Variants in ARHGAP21 observed in about 807,000 individuals in gnomAD.
The protein encoded by ARHGAP21 is rho GTPase-activating protein 21.
Under a neutral mutation model 164.6 loss-of-function variants are expected in ARHGAP21, and 38 were observed. The ratio of observed to expected loss-of-function variants is 0.23; its 90% CI spans 0.18 to 0.30. The LOEUF is 0.30. Among genes scored for constraint, ARHGAP21 ranks in the 10% least tolerant of loss-of-function variants. The pLI, the probability that ARHGAP21 is intolerant of heterozygous loss-of-function variation, is 1.00. For synonymous variants in ARHGAP21, 766 were observed against 857.9 expected (o/e 0.89, Z 1.87); for missense variants, 1,822 against 2,370.7 (o/e 0.77, Z 4.81).
intron 2 of ARHGAP21, among the ~76,000 whole-genome samples, chr10:24,713,292 C>T (rs1429115899): frequency 1.3e-5 from 2 of 152,164 alleles, no homozygotes; most frequent in African/African-American, 4.8e-5. Context: ...TATGCCAGAG[C>T]CCTCTTCAGA....
In ARHGAP21 at chr10:24,648,732, T is replaced by C. The variant is rs369437251; in HGVS notation, c.269-13629A>G. 9 of 869,844 alleles carry C rather than the reference T, an allele frequency of 1.0e-5. No homozygotes were observed. The East Asian group carries it at 3.7e-4, about 36-fold the overall frequency. The allele number at this position is 869,844 out of a possible 1,614,324, so 53.9% of individuals were successfully genotyped here. ...AGGCGCAGGCTGCAGTGAGCCGAGATGGTGCCATCGCACTCCAGCCTAAGC... is the reference window on the plus strand; with the variant it reads ...AGGCGCAGGCTGCAGTGAGCCGAGACGGTGCCATCGCACTCCAGCCTAAGC... On this transcript the variant is annotated intron_variant, in intron 4 of 25. Coordinates refer to ENST00000396432, the MANE Select transcript of ARHGAP21 (RefSeq NM_020824.4).
rs1263583312 is a variant in ARHGAP21 at position 24,722,210 on chromosome 10, G to A, written c.-311C>T. ...GCAGAAAGCGGTCCCCTTCTTCCCAGTGCCACTCCTGAGTCCTGGAAAAAT... is the reference window on the plus strand; with the variant it reads ...GCAGAAAGCGGTCCCCTTCTTCCCAATGCCACTCCTGAGTCCTGGAAAAAT... On this transcript the variant is annotated 5_prime_UTR_variant, in exon 2 of 26. Coordinates refer to ENST00000396432, the MANE Select transcript of ARHGAP21 (RefSeq NM_020824.4). 1 of 406,650 alleles carries A rather than the reference G, an allele frequency of 2.5e-6. No homozygotes were observed. Among genetic ancestry groups the A allele is most frequent in the Non-Finnish European group, 4.6e-6 (1 of 215,624 alleles). 25.2% of individuals were successfully genotyped at this position (406,650 alleles called of 1,614,324 possible).
chr10:24,684,060 G>A (rs1842012927), intron 2 of ARHGAP21, among the ~76,000 whole-genome samples: 1 of 152,210 alleles, frequency 6.6e-6, no homozygotes, highest in African/African-American at 2.4e-5. Flanking sequence ...GCCAAGGTGG[G>A]CGGATCGCTT....
intron 4 of ARHGAP21, among the ~76,000 whole-genome samples, chr10:24,639,469 T>C (rs950511406): frequency 6.6e-6 from 1 of 152,176 alleles, no homozygotes; most frequent in Non-Finnish European, 1.5e-5. Context: ...GTATTACTTA[T>C]TATTATGATA....
intron 4 of ARHGAP21, among the ~76,000 whole-genome samples, chr10:24,666,022 G>A (rs1186555256): frequency 6.6e-6 from 1 of 152,088 alleles, no homozygotes; most frequent in Non-Finnish European, 1.5e-5. Flanking sequence ...GGTATTGTAA[G>A]TTTGTTTTGT....
intron 4 of ARHGAP21, among the ~76,000 whole-genome samples, chr10:24,648,381 T>C (rs1009731468): frequency 3.9e-5 from 6 of 152,230 alleles, no homozygotes; most frequent in African/African-American, 7.2e-5. Context: ...CTTCATCTTA[T>C]ACAAAATATC....
At chr10:24,630,109 T>C in intron 6 of ARHGAP21, 59 bp from the exon 7 acceptor site, 2 of 910,370 alleles carry the variant, frequency 2.2e-6, no homozygotes, top group Non-Finnish European at 3.2e-6. Context: ...AAAGACTTAA[T>C]GGAAAAACAG....
In ARHGAP21 at chr10:24,640,869, A is replaced by G. The variant is rs79873377; in HGVS notation, c.269-5766T>C. 5.7e-3 allele frequency among the ~76,000 whole-genome samples: 869 copies of G among 152,296 alleles called. 6 individuals carry two copies. Among genetic ancestry groups the G allele is most frequent in the African/African-American group, 0.02 (820 of 41,566 alleles). ...GAAAAAAACAAAAATAAGGAGTAAT[A>G]TACACCAAATTCAGGCTAGTAATTA... On this transcript the variant is annotated intron_variant, in intron 4 of 25. Coordinates refer to ENST00000396432, the MANE Select transcript of ARHGAP21 (RefSeq NM_020824.4).
At chr10:24,654,873 T>C (rs1838632150) in intron 4 of ARHGAP21, among the ~76,000 whole-genome samples, 1 of 152,146 alleles carries the variant, frequency 6.6e-6, no homozygotes, top group Non-Finnish European at 1.5e-5. Context: ...CAAACTATAC[T>C]ACAAGGCTAC....
intron 2 of ARHGAP21, among the ~76,000 whole-genome samples, chr10:24,717,228 G>A (rs996626865): frequency 6.6e-6 from 1 of 152,204 alleles, no homozygotes; most frequent in Admixed American, 6.5e-5. Context: ...AACGAGGAAG[G>A]AAGATAATCA....
At chr10:24,681,898 G>C (rs928885522) in intron 2 of ARHGAP21, among the ~76,000 whole-genome samples, 12 of 152,050 alleles carry the variant, frequency 7.9e-5, no homozygotes, top group African/African-American at 1.9e-4. Context: ...GGCATGCTTG[G>C]GGGGAAGGAC....
At chr10:24,698,873 G>T (rs946822307) in intron 2 of ARHGAP21, among the ~76,000 whole-genome samples, 1 of 152,036 alleles carries the variant, frequency 6.6e-6, no homozygotes, top group African/African-American at 2.4e-5. Flanking sequence ...GCTCACATAG[G>T]CTCAATGTTT....
chr10:24,689,894 ATGTGT>A (rs1565169003), intron 2 of ARHGAP21, among the ~76,000 whole-genome samples: 3 of 143,470 alleles, frequency 2.1e-5, no homozygotes, highest in African/African-American at 7.8e-5. Context: ...ATGTATATGT[ATGTGT>A]ATATATACAT....
chr10:24,676,080 G>A (rs996284411), intron 2 of ARHGAP21, among the ~76,000 whole-genome samples: 6 of 152,162 alleles, frequency 3.9e-5, no homozygotes, highest in Admixed American at 6.5e-5. Context: ...CCTGGCAGGC[G>A]GAGGCTGCAG....
intron 2 of ARHGAP21, among the ~76,000 whole-genome samples, chr10:24,721,268 G>A (rs915020293): frequency 1.3e-5 from 2 of 152,190 alleles, no homozygotes; most frequent in African/African-American, 4.8e-5. Context: ...TTGGAATTAC[G>A]ACTCTGTAAG....
In ARHGAP21 at chr10:24,621,035, T is replaced by C. The variant is rs777206494; in HGVS notation, c.860A>G (p.Asn287Ser). ...TGAAGGACCTGTATGGTTGTTTCTA[T>C]TGGATAACAAATCTACAACCTTCTC... ...PSEKVVDLLS[N>S]RNNHTGPSHR... The change falls in exon 9 of 26, where the codon AAT (asparagine) becomes AGT (serine). Residue 287 changes from asparagine to serine, a missense_variant. Coordinates refer to ENST00000396432, the MANE Select transcript of ARHGAP21 (RefSeq NM_020824.4). 1.1e-5 allele frequency: 18 copies of C among 1,613,888 alleles called. No homozygotes were observed. The African/African-American group carries it at 2.0e-4, about 18-fold the overall frequency.
intron 20 of ARHGAP21, 29 bp from the exon 21 acceptor site, chr10:24,595,068 C>G (rs746542993): frequency 1.1e-5 from 17 of 1,608,480 alleles, no homozygotes; most frequent in Non-Finnish European, 1.4e-5. Flanking sequence ...ACAATGGATT[C>G]AGAGGCTGAA....
In ARHGAP21 at chr10:24,666,940, G is replaced by T. The variant is rs1335527040; in HGVS notation, c.268+45C>A. 4.4e-6 allele frequency: 6 copies of T among 1,354,766 alleles called. No homozygotes were observed. The South Asian group carries it at 5.1e-5, about 12-fold the overall frequency. The allele number at this position is 1,354,766 out of a possible 1,614,324, so 83.9% of individuals were successfully genotyped here. A position where few individuals can be genotyped will look rare whatever the true frequency, so the allele number is the denominator to read the frequency against. On this transcript the variant is annotated intron_variant, in intron 4 of 25. Coordinates refer to ENST00000396432, the MANE Select transcript of ARHGAP21 (RefSeq NM_020824.4). ...TATCACTTAAAGAACAGAAAGAAAT[G>T]GGTAGAAAAACATTCAGAGATAAAT...
At chr10:24,646,385 C>T (rs1837572891) in intron 4 of ARHGAP21, among the ~76,000 whole-genome samples, 2 of 152,118 alleles carry the variant, frequency 1.3e-5, no homozygotes, top group South Asian at 2.1e-4. Context: ...GGTGTGGTGG[C>T]TCATACCTGT....
Sources: gnomAD v4.1 joint callset for allele counts (sites outside exome capture counted in the v4.1 genomes callset) on GRCh38, gnomAD v4.1.1 for gene constraint, MANE v1.5 for transcripts, NCBI Gene and HGNC (gene_info 2026-07-23, HGNC 2026-07-21) for gene names.